The following RNF130 variants were observed in gnomAD, a reference collection of about 807,000 sequenced individuals.
RNF130 encodes the protein E3 ubiquitin-protein ligase RNF130.
In RNF130, 21 loss-of-function variants were observed where a neutral mutation model predicts 44.6. The ratio of observed to expected loss-of-function variants is 0.47; its 90% CI spans 0.33 to 0.68. RNF130 has a LOEUF of 0.68. RNF130 is among the 30% of genes least tolerant of loss of function. The pLI is 0.02. For missense variants in RNF130, 479 were observed against 560.6 expected, an observed-to-expected ratio of 0.85 and a Z score of 1.47; for synonymous variants, 214 against 210.4, an observed-to-expected ratio of 1.02 and a Z score of -0.15.
At chr5:179,982,194 T>C (rs1440954754) in intron 3 of RNF130, among the ~76,000 whole-genome samples, 1 of 151,600 alleles carries the variant, frequency 6.6e-6, no homozygotes, top group Non-Finnish European at 1.5e-5. Context: ...ATGATTATCT[T>C]GAGATTAAGC....
In RNF130 at chr5:179,956,739, G is replaced by A. The variant is rs772173387; in HGVS notation, c.1245-1070C>T. Among the ~76,000 whole-genome samples, 25 of 152,220 alleles carry A rather than the reference G, an allele frequency of 1.6e-4. 1 individual carries two copies. Among genetic ancestry groups the A allele is most frequent in the Admixed American group, 1.5e-3 (23 of 15,288 alleles). Reference sequence around the variant, plus strand: ...GGTAAGGCGGCAGCTCCGCAGGCATGACCCAGAAGGGCCTTTGCGTACTCC... The same window carrying A: ...GGTAAGGCGGCAGCTCCGCAGGCATAACCCAGAAGGGCCTTTGCGTACTCC... On this transcript the variant is annotated intron_variant, in intron 8 of 8. Transcript: ENST00000521389.
rs149908184 is a variant in RNF130 at position 180,041,114 on chromosome 5, C to T, written c.248-467G>A. On this transcript the variant is annotated intron_variant, in intron 1 of 8. Transcript: ENST00000521389. Reference sequence around the variant, plus strand: ...CTGGACTGGGGGCCAGTGAGGAGGCCAAAATAATCCTCGGTTCAGTTACTA... The same window carrying T: ...CTGGACTGGGGGCCAGTGAGGAGGCTAAAATAATCCTCGGTTCAGTTACTA... Among the ~76,000 whole-genome samples the T allele has an allele frequency of 9.3e-4, 141 of 152,182 alleles. No homozygotes were observed. The Middle Eastern group carries it at 0.01, about 11-fold the overall frequency.
At chr5:179,951,048 C>G (rs1271251017), downstream of RNF130, among the ~76,000 whole-genome samples, 2 of 152,146 alleles carry the variant, frequency 1.3e-5, no homozygotes, top group African/African-American at 4.8e-5. Flanking sequence ...CAAACATGCT[C>G]GGCTGAACTC....
chr5:180,025,533 T>C (rs1442233557), intron 2 of RNF130, among the ~76,000 whole-genome samples: 1 of 152,204 alleles, frequency 6.6e-6, no homozygotes, highest in Non-Finnish European at 1.5e-5. Context: ...CTTATGGAAG[T>C]TTTAAAATGG....
intron 2 of RNF130, among the ~76,000 whole-genome samples, chr5:180,038,710 AT>A (rs1320992140): frequency 6.6e-6 from 1 of 151,738 alleles, no homozygotes; most frequent in East Asian, 1.9e-4. Flanking sequence ...AAGTAATTTA[AT>A]TTTTTTTTAA....
At chr5:180,011,433 C>T (rs62405015) in intron 3 of RNF130, among the ~76,000 whole-genome samples, 30,538 of 152,082 alleles carry the variant, frequency 0.2, 3,280 homozygotes, top group Middle Eastern at 0.25. Context: ...GGTAACAGGG[C>T]ATCATATCTC....
At chr5:180,017,108 A>G (rs963364744) in intron 2 of RNF130, among the ~76,000 whole-genome samples, 4 of 152,218 alleles carry the variant, frequency 2.6e-5, no homozygotes, top group African/African-American at 4.8e-5. Context: ...GATCTAGAAT[A>G]GTTCCTCAGT....
intron 7 of RNF130, among the ~76,000 whole-genome samples, chr5:179,947,895 T>C (rs1762068495): frequency 6.6e-6 from 1 of 151,954 alleles, no homozygotes; most frequent in African/African-American, 2.4e-5. Context: ...TATATGCATG[T>C]AAGAATATGG....
intron 7 of RNF130, among the ~76,000 whole-genome samples, chr5:179,942,849 C>T (rs185369769): frequency 6.6e-6 from 1 of 152,294 alleles, no homozygotes; most frequent in East Asian, 1.9e-4. Flanking sequence ...ATGTGTAACT[C>T]TCTCCTGTGG....
At chr5:180,031,856 C>A (rs1764137315) in intron 2 of RNF130, among the ~76,000 whole-genome samples, 1 of 152,198 alleles carries the variant, frequency 6.6e-6, no homozygotes, top group South Asian at 2.1e-4. Flanking sequence ...TGTACCATTT[C>A]ACATTTCTAC....
At chr5:180,044,485 G>A (rs1050711255) in intron 1 of RNF130, among the ~76,000 whole-genome samples, 1 of 152,026 alleles carries the variant, frequency 6.6e-6, no homozygotes, top group African/African-American at 2.4e-5. Flanking sequence ...TCAGCTACAC[G>A]CTAAGTACCA....
rs192768263 is a variant in RNF130 at position 179,929,172 on chromosome 5, C to T, written c.1151-8746G>A. ...GTGAAGTAGGAATTAAGATTCATTT[C>T]TTTCTTTATAAATATTCAGTGGAGC... On this transcript the variant is annotated intron_variant, in intron 7 of 7. Coordinates refer to the RNF130 transcript ENST00000522208. Among the ~76,000 whole-genome samples, 243 of 152,242 alleles carry T rather than the reference C, an allele frequency of 1.6e-3. 1 individual carries two copies. The highest frequency in any genetic ancestry group is 3.7e-3 in the Admixed American group (56 of 15,278).
chr5:180,042,660 G>A (rs1479197618), intron 1 of RNF130, among the ~76,000 whole-genome samples: 1 of 152,150 alleles, frequency 6.6e-6, no homozygotes, highest in Admixed American at 6.5e-5. Context: ...GAATAACCAA[G>A]GAACTGGTTT....
intron 5 of RNF130, among the ~76,000 whole-genome samples, chr5:179,972,952 G>A (rs1431844608): frequency 6.6e-6 from 1 of 151,950 alleles, no homozygotes; most frequent in East Asian, 1.9e-4. Context: ...TCTCCTCTAG[G>A]CTGTGGGGTA....
chr5:180,006,221 T>G (rs987376442), intron 3 of RNF130, among the ~76,000 whole-genome samples: 8 of 152,158 alleles, frequency 5.3e-5, no homozygotes, highest in African/African-American at 1.9e-4. Flanking sequence ...AAGTCTGTTT[T>G]GGGGCCATAT....
intron 1 of RNF130, among the ~76,000 whole-genome samples, chr5:180,052,177 C>T (rs939011507): frequency 2.6e-5 from 4 of 152,244 alleles, no homozygotes; most frequent in Non-Finnish European, 5.9e-5. Context: ...ATCCACTCCC[C>T]TGCCTTCGAC....
intron 8 of RNF130, among the ~76,000 whole-genome samples, chr5:179,958,623 C>T (rs1762260342): frequency 3.9e-5 from 6 of 152,174 alleles, no homozygotes; most frequent in Admixed American, 3.3e-4. Context: ...GGTCCTGGTG[C>T]AGGCTCGCTA....
At chr5:179,985,180 T>C (rs894605550) in intron 3 of RNF130, among the ~76,000 whole-genome samples, 1 of 94,100 alleles carries the variant, frequency 1.1e-5, no homozygotes, top group Non-Finnish European at 2.1e-5. Flanking sequence ...TTTTTTGCCA[T>C]ATCCACAATC....
intron 3 of RNF130, among the ~76,000 whole-genome samples, chr5:180,011,153 C>T (rs1467449475): frequency 6.6e-6 from 1 of 152,084 alleles, no homozygotes; most frequent in African/African-American, 2.4e-5. Context: ...AACTCAAATA[C>T]AAAATAATTG....
Sources: gnomAD v4.1 joint callset for allele counts (sites outside exome capture counted in the v4.1 genomes callset) on GRCh38, gnomAD v4.1.1 for gene constraint, MANE v1.5 for transcripts, NCBI Gene and HGNC (gene_info 2026-07-23, HGNC 2026-07-21) for gene names.